The following TTC17 variants were observed in gnomAD, a reference collection of about 807,000 sequenced individuals.
The protein encoded by TTC17 is tetratricopeptide repeat protein 17.
Under a neutral mutation model 143.8 loss-of-function variants are expected in TTC17, and 58 were observed. That is an observed-to-expected ratio of 0.40 (90% CI 0.33 to 0.50). The LOEUF is 0.50. Ranked by LOEUF, TTC17 falls within the 20% of genes least tolerant of loss-of-function variation. The pLI is 0.49. For missense variants in TTC17, 1,273 were observed against 1,392.5 expected (o/e 0.91, Z 1.37); for synonymous variants, 501 against 497.8 (o/e 1.01, Z -0.09).
At chr11:43,475,247 G>GT (rs888857186) in intron 21 of TTC17, among the ~76,000 whole-genome samples, 28 of 151,526 alleles carry the variant, frequency 1.8e-4, no homozygotes, top group East Asian at 3.9e-4. Context: ...TTCAGATGGG[G>GT]TTTTTTTTTG....
intron 1 of TTC17, 30 bp from the exon 2 acceptor site, chr11:43,379,203 G>A (rs371922266): frequency 6.2e-5 from 99 of 1,592,654 alleles, no homozygotes; most frequent in Admixed American, 1.2e-4. Flanking sequence ...AATGAAATCC[G>A]AGCTTTATTT....
chr11:43,370,458 A>T (rs1856520405), intron 1 of TTC17: 1 of 155,160 alleles, frequency 6.4e-6, no homozygotes, highest in African/African-American at 2.4e-5. Flanking sequence ...TGTGAGAGGA[A>T]TTTTTTTTCT....
At chr11:43,376,258 A>G (rs1264457781) in intron 1 of TTC17, among the ~76,000 whole-genome samples, 2 of 152,214 alleles carry the variant, frequency 1.3e-5, no homozygotes, top group East Asian at 3.8e-4. Flanking sequence ...CTACAGTAAC[A>G]GTGAAATTTT....
intron 22 of TTC17, 153 bp from the exon 23 acceptor site, chr11:43,491,867 C>T (rs770378242): frequency 2.1e-4 from 183 of 886,340 alleles, no homozygotes; most frequent in Non-Finnish European, 2.9e-4. Context: ...TTATCTATCA[C>T]AGACCAGTAG....
At position 43,412,828 on chromosome 11, in the gene TTC17, A is replaced by G. The variant is rs539554852; in HGVS notation, c.2065-1762A>G. On this transcript the variant is annotated intron_variant, in intron 15 of 23. Coordinates refer to ENST00000039989, the MANE Select transcript of TTC17 (RefSeq NM_018259.6). ...AAAGGGAGATATACATCATGTTCAC[A>G]CATTGAGAGAGTCAATATTGTTCAG... 1.2e-3 allele frequency among the ~76,000 whole-genome samples: 178 copies of G among 152,356 alleles called. 1 individual carries two copies. Among genetic ancestry groups the G allele is most frequent in the Non-Finnish European group, 1.9e-3 (126 of 68,038 alleles).
chr11:43,457,855 C>T (rs1329807427), intron 21 of TTC17, among the ~76,000 whole-genome samples: 1 of 151,740 alleles, frequency 6.6e-6, no homozygotes, highest in East Asian at 1.9e-4. Flanking sequence ...TAATTAGGGT[C>T]TGGGAGATAG....
At chr11:43,384,776 A>G (rs1309165126) in intron 2 of TTC17, among the ~76,000 whole-genome samples, 1 of 152,244 alleles carries the variant, frequency 6.6e-6, no homozygotes, top group Non-Finnish European at 1.5e-5. Context: ...CTTTAGTGAC[A>G]TGTATGACCA....
chr11:43,410,635 C>T (rs1858367170), intron 15 of TTC17, among the ~76,000 whole-genome samples: 1 of 152,180 alleles, frequency 6.6e-6, no homozygotes, highest in Admixed American at 6.5e-5. Flanking sequence ...TACCCGTCAC[C>T]TTTGCCCTGA....
intron 21 of TTC17, among the ~76,000 whole-genome samples, chr11:43,470,941 C>T (rs778270862): frequency 6.6e-5 from 10 of 152,174 alleles, no homozygotes; most frequent in Non-Finnish European, 1.2e-4. Flanking sequence ...GTTCTTTTAG[C>T]TTCAGCCTTT....
intron 22 of TTC17, chr11:43,491,589 A>G (rs1258239326): frequency 6.5e-6 from 1 of 154,152 alleles, no homozygotes; most frequent in Non-Finnish European, 1.4e-5. Context: ...GGTTTGGCCT[A>G]TGGGCCAAAG....
At chr11:43,366,232 C>CT (rs753713070) in intron 1 of TTC17, among the ~76,000 whole-genome samples, 55 of 152,198 alleles carry the variant, frequency 3.6e-4, no homozygotes, top group Middle Eastern at 6.8e-3. Flanking sequence ...TATCATTACT[C>CT]TAATTCAGGC....
intron 11 of TTC17, among the ~76,000 whole-genome samples, chr11:43,404,905 G>C (rs192785515): frequency 1.3e-5 from 2 of 152,158 alleles, no homozygotes; most frequent in East Asian, 3.9e-4. Flanking sequence ...TTAGTTCAGG[G>C]AAAAGTAGTG....
intron 4 of TTC17, 120 bp downstream of exon 4, chr11:43,391,696 A>G: frequency 7.6e-7 from 1 of 1,320,774 alleles, no homozygotes; most frequent in Non-Finnish European, 1.0e-6. Flanking sequence ...GTAATTTTAT[A>G]GACATCTCTT....
intron 21 of TTC17, among the ~76,000 whole-genome samples, chr11:43,469,031 A>T (rs1319862198): frequency 6.6e-6 from 1 of 152,264 alleles, no homozygotes; most frequent in Non-Finnish European, 1.5e-5. Context: ...AGTAATTTTT[A>T]AAAAGACAAC....
chr11:43,447,761 A>C, intron 18 of TTC17: 1 of 417,960 alleles, frequency 2.4e-6, no homozygotes. Flanking sequence ...TCAATCTTAA[A>C]TCTAGCAAAG....
intron 21 of TTC17, among the ~76,000 whole-genome samples, chr11:43,463,782 AGAG>A (rs1489887811): frequency 6.6e-6 from 1 of 152,234 alleles, no homozygotes; most frequent in Non-Finnish European, 1.5e-5. Flanking sequence ...CAGTGGGAGA[AGAG>A]GAGGATTTAA....
intron 1 of TTC17, among the ~76,000 whole-genome samples, chr11:43,363,416 G>A (rs1173306155): frequency 6.6e-6 from 1 of 152,166 alleles, no homozygotes; most frequent in African/African-American, 2.4e-5. Context: ...AGCTAACAGA[G>A]AAACTCTTGA....
At chr11:43,445,920 T>C in intron 18 of TTC17, 1 of 1,135,770 alleles carries the variant, frequency 8.8e-7, no homozygotes, top group Non-Finnish European at 1.3e-6. Flanking sequence ...TTCATTTCCT[T>C]TTTTGGTTAG....
At chr11:43,473,006 C>G (rs974703365) in intron 21 of TTC17, among the ~76,000 whole-genome samples, 1 of 151,844 alleles carries the variant, frequency 6.6e-6, no homozygotes, top group African/African-American at 2.4e-5. Flanking sequence ...GAAACCCCAT[C>G]TCTACTAAAA....
Sources: allele counts gnomAD v4.1 joint callset (sites outside exome capture counted in the v4.1 genomes callset), GRCh38; gene constraint gnomAD v4.1.1; transcripts MANE v1.5; gene names NCBI Gene and HGNC (gene_info 2026-07-23, HGNC 2026-07-21).